BRMS1L: variants seen among roughly 807,000 people sequenced by gnomAD.
BRMS1L encodes BRMS1 like transcriptional repressor, also known as breast cancer metastasis-suppressor 1-like protein.
A neutral mutation model predicts 50.3 loss-of-function variants in BRMS1L; 23 were observed. The observed-to-expected ratio is 0.46, with a 90% CI of 0.33 to 0.65. BRMS1L has a LOEUF of 0.65. BRMS1L is among the 30% of genes least tolerant of loss of function. The pLI is 0.02. For missense variants in BRMS1L, 286 were observed against 386.1 expected (o/e 0.74, Z 2.17); for synonymous variants, 114 against 126.9 (o/e 0.90, Z 0.69).
chr14:35,850,605 A>G (rs984719193), intron 4 of BRMS1L, among the ~76,000 whole-genome samples: 7 of 152,170 alleles, frequency 4.6e-5, no homozygotes, highest in African/African-American at 9.7e-5. Context: ...TTTTTGTGTC[A>G]TATCAAAGAA....
chr14:35,826,694 G>A (rs776658466), intron 1 of BRMS1L, 36 bp downstream of exon 1: 39 of 1,601,924 alleles, frequency 2.4e-5, no homozygotes, highest in South Asian at 3.3e-5. Context: ...GAGTCCCCGC[G>A]CCCAGCGCGC....
chr14:35,864,282 G>C (rs1428286571), intron 6 of BRMS1L, among the ~76,000 whole-genome samples: 2 of 151,696 alleles, frequency 1.3e-5, no homozygotes, highest in Non-Finnish European at 2.9e-5. Context: ...TTCTTTTTGA[G>C]ACAGGGTCTC....
intron 4 of BRMS1L, among the ~76,000 whole-genome samples, chr14:35,837,847 T>C (rs2078014351): frequency 6.6e-6 from 1 of 152,188 alleles, no homozygotes; most frequent in African/African-American, 2.4e-5. Context: ...CCACCATGTC[T>C]GGCCCCAATT....
intron 4 of BRMS1L, among the ~76,000 whole-genome samples, chr14:35,849,459 A>C (rs1233945336): frequency 6.7e-6 from 1 of 149,224 alleles, no homozygotes; most frequent in African/African-American, 2.5e-5. Flanking sequence ...GGCTAGTTTT[A>C]TTTTATTTTA....
intron 4 of BRMS1L, among the ~76,000 whole-genome samples, chr14:35,847,246 C>G (rs2078147744): frequency 6.6e-6 from 1 of 152,110 alleles, no homozygotes; most frequent in Non-Finnish European, 1.5e-5. Context: ...CCAAAGTCCT[C>G]AAATTACAGG....
intron 4 of BRMS1L, among the ~76,000 whole-genome samples, chr14:35,839,476 C>T (rs2078034671): frequency 6.6e-6 from 1 of 152,204 alleles, no homozygotes; most frequent in African/African-American, 2.4e-5. Flanking sequence ...TGGCCATTTT[C>T]ACGATACTGA....
chr14:35,829,086 C>T (rs2077885275), intron 1 of BRMS1L, among the ~76,000 whole-genome samples: 1 of 151,982 alleles, frequency 6.6e-6, no homozygotes, highest in South Asian at 2.1e-4. Context: ...GGATTACAGG[C>T]ATCCTCCAAC....
At chr14:35,844,148 A>T (rs2078101350) in intron 4 of BRMS1L, among the ~76,000 whole-genome samples, 1 of 152,154 alleles carries the variant, frequency 6.6e-6, no homozygotes, top group Non-Finnish European at 1.5e-5. Context: ...TCTGCTGAGC[A>T]AGACCACTTG....
chr14:35,870,548 AT>A lies in BRMS1L; in HGVS notation c.*72del, dbSNP rs2078478431. ...ATGTAAGTGCCATGAGAGTAAAAAA[AT>A]GTATTCAATAACTTAATATTCTCAC... On this transcript the variant is annotated 3_prime_UTR_variant, in exon 10 of 10. Coordinates refer to ENST00000216807, the MANE Select transcript of BRMS1L (RefSeq NM_032352.4). The A allele has an allele frequency of 2.3e-6, 2 of 868,664 alleles. No homozygotes were observed. The highest frequency in any genetic ancestry group is 1.6e-5 in the South Asian group (1 of 63,510). The allele number at this position is 868,664 out of a possible 1,614,324, so 53.8% of individuals were successfully genotyped here.
chr14:35,838,308 A>G (rs2078019611), intron 4 of BRMS1L, among the ~76,000 whole-genome samples: 1 of 152,112 alleles, frequency 6.6e-6, no homozygotes, highest in Admixed American at 6.5e-5. Context: ...AGTCTTTGTT[A>G]TTGTGAACAG....
chr14:35,869,521 CA>C (rs34129844), intron 9 of BRMS1L, among the ~76,000 whole-genome samples: 110 of 145,604 alleles, frequency 7.6e-4, no homozygotes, highest in African/African-American at 2.1e-3. Flanking sequence ...AACCCAGTCT[CA>C]AAAAAAAAAA....
At chr14:35,856,146 G>C (rs2078277024) in intron 4 of BRMS1L, among the ~76,000 whole-genome samples, 1 of 152,224 alleles carries the variant, frequency 6.6e-6, no homozygotes, top group South Asian at 2.1e-4. Context: ...AGCAGATAGA[G>C]AGGAGGGGCA....
At chr14:35,854,195 C>T (rs2078250383) in intron 4 of BRMS1L, among the ~76,000 whole-genome samples, 1 of 152,058 alleles carries the variant, frequency 6.6e-6, no homozygotes, top group Admixed American at 6.6e-5. Context: ...CATGCAGGCT[C>T]CTTTTTGCTT....
chr14:35,842,643 T>C (rs59413280), intron 4 of BRMS1L, among the ~76,000 whole-genome samples: 3,738 of 152,246 alleles, frequency 0.025, 142 homozygotes, highest in African/African-American at 0.083. Flanking sequence ...GTGAATCTGA[T>C]GATTATGTGT....
At chr14:35,852,411 T>C (rs1265795239) in intron 4 of BRMS1L, among the ~76,000 whole-genome samples, 2 of 152,250 alleles carry the variant, frequency 1.3e-5, no homozygotes, top group Admixed American at 6.5e-5. Context: ...GTTGAATCCG[T>C]AAATCACTTT....
At chr14:35,853,967 ACT>A (rs2078246955) in intron 4 of BRMS1L, among the ~76,000 whole-genome samples, 1 of 152,132 alleles carries the variant, frequency 6.6e-6, no homozygotes. Flanking sequence ...AAAATTATTA[ACT>A]CTGCCCACCT....
chr14:35,862,607 A>G lies in BRMS1L; in HGVS notation c.459A>G (p.Leu153=), dbSNP rs543999965. The G allele has an allele frequency of 1.9e-6, 3 of 1,604,414 alleles. No individual in the cohort carries two copies. The South Asian group carries it at 3.4e-5, about 18-fold the overall frequency. The change falls in exon 5 of 10, where the codon CTA becomes CTG. Residue 153 remains leucine, a synonymous_variant. Coordinates refer to ENST00000216807, the MANE Select transcript of BRMS1L (RefSeq NM_032352.4). ...RQHCESEKLL[L]YDTVQSELEE... is the part of the protein sequence containing the mutation. ...CTCCCCAGAGCGAAAAGCTGTTGCT[A>G]TATGATACAGTCCAGAGTGAACTAG... is the stretch of plus-strand genomic sequence containing the variant.
chr14:35,828,555 C>T (rs2077877376), intron 1 of BRMS1L, among the ~76,000 whole-genome samples: 1 of 148,564 alleles, frequency 6.7e-6, no homozygotes, highest in South Asian at 2.2e-4. Context: ...CTCACTGCAA[C>T]CTCCACCTCC....
chr14:35,826,766 A>G (rs1326194912), intron 1 of BRMS1L, 108 bp downstream of exon 1: 23 of 1,476,274 alleles, frequency 1.6e-5, no homozygotes, highest in African/African-American at 2.8e-5. Context: ...GCGGGGACAG[A>G]GGGAAGGGGC....
Sources: gnomAD v4.1 joint callset for allele counts (sites outside exome capture counted in the v4.1 genomes callset) on GRCh38, gnomAD v4.1.1 for gene constraint, MANE v1.5 for transcripts, NCBI Gene and HGNC (gene_info 2026-07-23, HGNC 2026-07-21) for gene names.